The following FBLN5 variants were observed in gnomAD, a reference collection of about 807,000 sequenced individuals.
The protein encoded by FBLN5 is fibulin 5, also known as fibulin-5.
Under a neutral mutation model 61.6 loss-of-function variants are expected in FBLN5, and 24 were observed. That is an observed-to-expected ratio of 0.39 (90% CI 0.28 to 0.55). FBLN5 has a LOEUF of 0.55. FBLN5 is among the 20% of genes least tolerant of loss of function. The pLI, the probability that FBLN5 is intolerant of heterozygous loss-of-function variation, is 0.65. For missense variants in FBLN5, 470 were observed against 594.1 expected, an observed-to-expected ratio of 0.79 and a Z score of 2.17; for synonymous variants, 213 against 219.8, an observed-to-expected ratio of 0.97 and a Z score of 0.27.
intron 10 of FBLN5, among the ~76,000 whole-genome samples, chr14:91,871,134 G>T (rs978468328): frequency 3.3e-5 from 5 of 149,648 alleles, no homozygotes; most frequent in East Asian, 2.0e-4. Flanking sequence ...CAACCAACAT[G>T]CACATGTACT....
rs201004304 is a variant in FBLN5 at position 91,937,222 on chromosome 14, G to A, written c.125-21C>T. The A allele has an allele frequency of 3.3e-5, 53 of 1,613,970 alleles. No individual in the cohort carries two copies. In the African/African-American group the frequency reaches 6.7e-4, roughly 20 times the overall value. On this transcript the variant is annotated intron_variant, in intron 3 of 10. Transcript: ENST00000342058. ...AATATCTGAAAGGCACAGAAAGGGC[G>A]AGCATTAGTGGCACCCCAACTGCCT...
intron 6 of FBLN5, among the ~76,000 whole-genome samples, chr14:91,889,812 T>A (rs1314734001): frequency 6.6e-6 from 1 of 152,242 alleles, no homozygotes; most frequent in Non-Finnish European, 1.5e-5. Flanking sequence ...TGCTTTATTA[T>A]GCTGTGGACT....
At chr14:91,895,139 T>A in intron 4 of FBLN5, 67 bp from the exon 5 acceptor site, 1 of 1,597,170 alleles carries the variant, frequency 6.3e-7, no homozygotes. Flanking sequence ...CCACCAGGGG[T>A]GCCAGTGGCT....
chr14:91,875,494 A>G (rs371085792), intron 10 of FBLN5, among the ~76,000 whole-genome samples: 2 of 152,318 alleles, frequency 1.3e-5, no homozygotes, highest in South Asian at 2.1e-4. Flanking sequence ...CCTACTGCCC[A>G]TATCAGGGAC....
intron 9 of FBLN5, among the ~76,000 whole-genome samples, chr14:91,879,205 C>G (rs1021872073): frequency 2.0e-5 from 3 of 152,146 alleles, no homozygotes; most frequent in African/African-American, 7.2e-5. Context: ...AGTGATGGCT[C>G]CCAGCTGAAG....
chr14:91,936,990 T>C lies in FBLN5; in HGVS notation c.336A>G (p.Ile112Met), dbSNP rs1221579102. The C allele has an allele frequency of 1.2e-6, 2 of 1,614,134 alleles. No individual in the cohort carries two copies. The highest frequency in any genetic ancestry group is 8.5e-7 in the Non-Finnish European group (1 of 1,180,024). Residue 112 changes from isoleucine to methionine, a missense_variant, in exon 4 of 11, where the codon ATA (isoleucine) becomes ATG (methionine). Transcript: ENST00000342058. ...CATCCATCTGGTATCCAAAGCGGCA[T>C]ATAAGAGGCCTGGAGATCGTGGGAT... The part of the protein sequence containing the change: ...PNYPTISRPL[I>M]CRFGYQMDES...
At chr14:91,894,655 GA>G in intron 5 of FBLN5, among the ~76,000 whole-genome samples, 1 of 152,286 alleles carries the variant, frequency 6.6e-6, no homozygotes, top group Non-Finnish European at 1.5e-5. Context: ...CCAGGAGGCG[GA>G]GGTTGCGGTG....
chr14:91,934,615 GA>G (rs1197786476), intron 4 of FBLN5, among the ~76,000 whole-genome samples: 5 of 152,186 alleles, frequency 3.3e-5, no homozygotes, highest in African/African-American at 1.2e-4. Context: ...TAAAGTTTCA[GA>G]AATGTTTCCC....
intron 7 of FBLN5, among the ~76,000 whole-genome samples, chr14:91,884,331 T>C (rs1889628136): frequency 6.6e-6 from 1 of 152,200 alleles, no homozygotes; most frequent in African/African-American, 2.4e-5. Context: ...CCTAGAAGCC[T>C]TGTAGAGCCC....
intron 9 of FBLN5, among the ~76,000 whole-genome samples, chr14:91,880,386 A>G (rs933317836): frequency 6.6e-6 from 1 of 152,234 alleles, no homozygotes; most frequent in Admixed American, 6.5e-5. Flanking sequence ...GACCCCATGT[A>G]TCCAGAACAA....
chr14:91,877,479 C>G lies in FBLN5; in HGVS notation c.1185+8G>C. 6.2e-7 allele frequency: 1 copy of G among 1,611,052 alleles called. No individual in the cohort carries two copies. The highest frequency in any genetic ancestry group is 8.5e-7 in the Non-Finnish European group (1 of 1,177,260). On this transcript the variant is annotated splice_region_variant and intron_variant, in intron 10 of 10. Coordinates refer to ENST00000342058, the MANE Select transcript of FBLN5 (RefSeq NM_006329.4). ...CAGATGGCGTCCCCACTCCCCACTCCCTCTTACCCGCATGTAAAATTCTCT... is the reference window on the plus strand; with the variant it reads ...CAGATGGCGTCCCCACTCCCCACTCGCTCTTACCCGCATGTAAAATTCTCT...
chr14:91,908,287 GT>G (rs539816532), intron 4 of FBLN5, among the ~76,000 whole-genome samples: 8 of 152,246 alleles, frequency 5.3e-5, no homozygotes, highest in African/African-American at 1.9e-4. Flanking sequence ...TCTCATCAAA[GT>G]CACCAATGGC....
In FBLN5 at chr14:91,947,436, G is replaced by T; in HGVS notation, c.-207C>A. On this transcript the variant is annotated 5_prime_UTR_variant, in exon 1 of 11. Transcript: ENST00000342058. This position sits in a 1 kb window ranked among gnomAD's most constrained non-coding sequence, Gnocchi z 4.3. ...GCAGAGCCCTCAGCGCAAGCACCTG[G>T]TTTTGCTTAGCCCTCTTCAGTAATT... 1.6e-6 allele frequency: 1 copy of T among 644,506 alleles called. No homozygotes were observed. The allele number at this position is 644,506 out of a possible 1,614,324, so 39.9% of individuals were successfully genotyped here.
intron 6 of FBLN5, among the ~76,000 whole-genome samples, chr14:91,888,915 T>C (rs1230936410): frequency 6.6e-6 from 1 of 152,166 alleles, no homozygotes; most frequent in Non-Finnish European, 1.5e-5. Flanking sequence ...AGATTTTCTA[T>C]CCTCTTCCCA....
At chr14:91,876,887 G>A (rs990072312) in intron 10 of FBLN5, among the ~76,000 whole-genome samples, 9 of 152,128 alleles carry the variant, frequency 5.9e-5, no homozygotes, top group African/African-American at 1.9e-4. Context: ...GAGTACAGTG[G>A]TGTGATCTCA....
At chr14:91,942,205 C>T (rs1469026121) in intron 2 of FBLN5, 3 of 455,762 alleles carry the variant, frequency 6.6e-6, no homozygotes, top group Admixed American at 4.7e-5. Context: ...CAGGATGCTG[C>T]AAGCTTCTTC....
chr14:91,926,411 G>T (rs1476080311), intron 4 of FBLN5, among the ~76,000 whole-genome samples: 3 of 152,160 alleles, frequency 2.0e-5, no homozygotes, highest in Admixed American at 2.0e-4. Context: ...TGGCCTGTGT[G>T]GTACATGTGT....
intron 4 of FBLN5, among the ~76,000 whole-genome samples, chr14:91,918,288 T>C (rs1390518500): frequency 6.6e-6 from 1 of 152,228 alleles, no homozygotes; most frequent in Non-Finnish European, 1.5e-5. Context: ...AGTCAGGCTT[T>C]CTGGAGTGTG....
chr14:91,920,499 G>C (rs755585048), intron 4 of FBLN5, among the ~76,000 whole-genome samples: 1 of 145,160 alleles, frequency 6.9e-6, no homozygotes, highest in Non-Finnish European at 1.5e-5. Context: ...ATGATTTTTG[G>C]AGATTAAGAA....
Sources: allele counts gnomAD v4.1 joint callset (sites outside exome capture counted in the v4.1 genomes callset), GRCh38; gene constraint gnomAD v4.1.1; non-coding constraint Gnocchi (gnomAD v3.1); transcripts MANE v1.5; gene names NCBI Gene and HGNC (gene_info 2026-07-23, HGNC 2026-07-21).